ELF5: variants seen among roughly 807,000 people sequenced by gnomAD.
ELF5 encodes E74 like ETS transcription factor 5.
A neutral mutation model predicts 38.2 loss-of-function variants in ELF5; 31 were observed. The observed-to-expected ratio is 0.81, with a 90% CI of 0.61 to 1.10. ELF5 has a LOEUF of 1.10. Ranked by LOEUF, ELF5 falls within the 50% of genes least tolerant of loss-of-function variation. ELF5 has a pLI of 0.00. For synonymous variants in ELF5, 121 were observed against 112.5 expected (o/e 1.08, Z -0.48); for missense variants, 300 against 306.6 (o/e 0.98, Z 0.16).
In ELF5 at chr11:34,482,508, G is replaced by A. The variant is rs1856965515; in HGVS notation, c.407-9C>T. 6.2e-7 allele frequency: 1 copy of A among 1,610,328 alleles called. No homozygotes were observed. Among genetic ancestry groups the A allele is most frequent in the Admixed American group, 1.7e-5 (1 of 59,440 alleles). ...GCAGTTGGAATCAGCATCTGAAATA[G>A]AATAATTTATAGCAGTGGAAAGGGA... On this transcript the variant is annotated splice_polypyrimidine_tract_variant and intron_variant, in intron 4 of 6. Transcript: ENST00000257832.
intron 4 of ELF5, among the ~76,000 whole-genome samples, chr11:34,489,717 T>C (rs555187398): frequency 1.3e-5 from 2 of 152,300 alleles, no homozygotes; most frequent in African/African-American, 4.8e-5. Flanking sequence ...GGGCTCTTTG[T>C]GTGCATCATT....
At chr11:34,493,159 G>A in intron 3 of ELF5, 2 of 505,848 alleles carry the variant, frequency 4.0e-6, no homozygotes, top group Non-Finnish European at 3.5e-6. Flanking sequence ...CCTCTTTTTT[G>A]TCCATCCTGT....
chr11:34,511,972 A>C (rs561170107), intron 1 of ELF5: 1 of 174,574 alleles, frequency 5.7e-6, no homozygotes, highest in Non-Finnish European at 1.2e-5. Flanking sequence ...TATAGAAAAA[A>C]GTGGCCAAGA....
Position 34,480,272 on chromosome 11 carries a change from C to T in ELF5, c.714G>A (p.Arg238=). The stretch of plus-strand genomic sequence containing the variant: ...CATTTTTTCCAAATTTGTACACTAA[C>T]CTTCGGTCAACCCGCTCCAAAATTC... ...KTGILERVDR[R]LVYKFGKNAH... The change falls in exon 7 of 7, where the codon AGG becomes AGA. Residue 238 remains arginine (R), a synonymous_variant. Transcript: ENST00000257832. The T allele has an allele frequency of 6.2e-7, 1 of 1,614,014 alleles. No individual in the cohort carries two copies.
chr11:34,498,014 A>G (rs1850357620), intron 2 of ELF5, among the ~76,000 whole-genome samples: 1 of 152,208 alleles, frequency 6.6e-6, no homozygotes, highest in African/African-American at 2.4e-5. Context: ...GTGGAGGTGA[A>G]GGTATTAGCT....
At chr11:34,501,704 C>T (rs1850474819) in intron 2 of ELF5, among the ~76,000 whole-genome samples, 2 of 151,998 alleles carry the variant, frequency 1.3e-5, no homozygotes, top group African/African-American at 4.8e-5. Context: ...CTGGACTGTC[C>T]AACCTCCTGC....
Position 34,478,972 on chromosome 11 carries a change from C to T in ELF5, c.*1246G>A, listed in dbSNP as rs2133865461. On this transcript the variant is annotated 3_prime_UTR_variant, in exon 7 of 7. Coordinates refer to ENST00000257832, the MANE Select transcript of ELF5 (RefSeq NM_001422.4). The stretch of plus-strand genomic sequence containing the variant: ...GATTCAGTGCCTCACCACTTGATTC[C>T]TGCTCTGGTGAAACAGAAGTCCTAG... The T allele has an allele frequency of 6.5e-6, 1 of 152,740 alleles. No individual in the cohort carries two copies. The highest frequency in any genetic ancestry group is 1.5e-5 in the Non-Finnish European group (1 of 68,030). The allele number at this position is 152,740 out of a possible 1,614,324, so 9.5% of individuals were successfully genotyped here.
intron 1 of ELF5, chr11:34,511,473 A>G: frequency 6.2e-7 from 1 of 1,603,476 alleles, no homozygotes; most frequent in Non-Finnish European, 8.5e-7. Context: ...GGAAAAGCTC[A>G]AGAATGATTA....
intron 4 of ELF5, among the ~76,000 whole-genome samples, chr11:34,487,969 C>A (rs1281918258): frequency 6.6e-6 from 1 of 152,116 alleles, no homozygotes; most frequent in Non-Finnish European, 1.5e-5. Context: ...CACCTCGTGA[C>A]CTCCGCACTG....
chr11:34,489,623 A>G (rs1034582843), intron 4 of ELF5, among the ~76,000 whole-genome samples: 1 of 152,190 alleles, frequency 6.6e-6, no homozygotes, highest in Non-Finnish European at 1.5e-5. Flanking sequence ...CTTAAGCATT[A>G]TGAACCACAA....
chr11:34,495,246 C>A (rs1056409520), intron 2 of ELF5, among the ~76,000 whole-genome samples: 8 of 152,192 alleles, frequency 5.3e-5, no homozygotes, highest in African/African-American at 1.9e-4. Context: ...AGGCAGAGAG[C>A]AGAGAGTGGC....
chr11:34,500,048 ATAAGTCACCTGT>A lies in ELF5; in HGVS notation c.121+5569_121+5580del, dbSNP rs142416771. On this transcript the variant is annotated intron_variant, in intron 2 of 6. Transcript: ENST00000257832. ...ATCTGAATGACAGTAAGTTTTCAGT[ATAAGTCACCTGT>A]TATTGGTTATTATTTTGGGAATACA... 8.7e-3 allele frequency among the ~76,000 whole-genome samples: 1,331 copies of A among 152,328 alleles called. 14 individuals carry two copies. The highest frequency in any genetic ancestry group is 0.031 in the African/African-American group (1,277 of 41,568).
At chr11:34,507,081 G>A (rs573506637) in intron 1 of ELF5, among the ~76,000 whole-genome samples, 1 of 152,254 alleles carries the variant, frequency 6.6e-6, no homozygotes, top group African/African-American at 2.4e-5. Flanking sequence ...TGCACTGAGT[G>A]AATATTCTTA....
intron 2 of ELF5, among the ~76,000 whole-genome samples, chr11:34,496,299 C>T (rs1161177565): frequency 6.6e-6 from 1 of 152,224 alleles, no homozygotes; most frequent in Non-Finnish European, 1.5e-5. Flanking sequence ...CAGAGCCCTG[C>T]GGAGGCTCCC....
intron 5 of ELF5, 113 bp downstream of exon 5, chr11:34,482,318 G>T: frequency 2.2e-6 from 2 of 928,356 alleles, no homozygotes; most frequent in Non-Finnish European, 3.4e-6. Flanking sequence ...TACCTTCCTT[G>T]GGGAGTAACT....
intron 1 of ELF5, among the ~76,000 whole-genome samples, chr11:34,508,093 A>G (rs926703098): frequency 1.3e-5 from 2 of 152,246 alleles, no homozygotes; most frequent in African/African-American, 4.8e-5. Context: ...ATAAAAATAA[A>G]TATTTAAGCA....
intron 4 of ELF5, among the ~76,000 whole-genome samples, chr11:34,486,074 A>G (rs1053074977): frequency 3.3e-5 from 5 of 152,056 alleles, no homozygotes; most frequent in Admixed American, 6.5e-5. Context: ...TGTATCCTCA[A>G]TTGTTTATTG....
At position 34,505,607 on chromosome 11, in the gene ELF5, GGGCTCCTTC is replaced by G; in HGVS notation, c.121+13_121+21del. On this transcript the variant is annotated intron_variant, in intron 2 of 6. Transcript: ENST00000257832. ...TAGCCCATCCTGGCTGCACTCAGATGGGCTCCTTCAAATGTACGCACCTGTCTGATGCTC... is the reference window on the plus strand; with the variant it reads ...TAGCCCATCCTGGCTGCACTCAGATGAAATGTACGCACCTGTCTGATGCTC... The G allele has an allele frequency of 6.2e-7, 1 of 1,612,932 alleles. No individual in the cohort carries two copies. The highest frequency in any genetic ancestry group is 8.5e-7 in the Non-Finnish European group (1 of 1,179,348).
chr11:34,506,431 C>T (rs1040243067), intron 1 of ELF5, among the ~76,000 whole-genome samples: 1 of 152,206 alleles, frequency 6.6e-6, no homozygotes, highest in African/African-American at 2.4e-5. Context: ...CCTGAAACCT[C>T]AGCATGGTGC....
Sources: allele counts gnomAD v4.1 joint callset (sites outside exome capture counted in the v4.1 genomes callset), GRCh38; gene constraint gnomAD v4.1.1; transcripts MANE v1.5; gene names NCBI Gene and HGNC (gene_info 2026-07-23, HGNC 2026-07-21).